The following TEX14 variants were observed in gnomAD, a reference collection of about 807,000 sequenced individuals.
TEX14 encodes inactive serine/threonine-protein kinase TEX14.
Under a neutral mutation model 178.6 loss-of-function variants are expected in TEX14, and 168 were observed. That is an observed-to-expected ratio of 0.94 (90% confidence interval 0.83 to 1.07). The LOEUF (loss-of-function observed/expected upper bound fraction) is 1.07, where lower values mean the gene tolerates loss of function less well. Among genes scored for constraint, TEX14 ranks in the 50% least tolerant of loss-of-function variants. The probability of loss-of-function intolerance (pLI) is 0.00; values close to 1 mark genes in which losing one functional copy is unlikely to be tolerated. For synonymous variants in TEX14, 626 were observed against 634.1 expected (o/e 0.99, Z 0.19); for missense variants, 1,730 against 1,753.6 (o/e 0.99, Z 0.24).
At chr17:58,563,631 A>G (rs1364382959) in intron 28 of TEX14, among the ~76,000 whole-genome samples, 9 of 16,124 alleles carry the variant, frequency 5.6e-4, no homozygotes, top group African/African-American at 2.9e-3. Flanking sequence ...TTATATATAT[A>G]TATATATATA....
intron 11 of TEX14, 55 bp from the exon 12 acceptor site, chr17:58,602,645 G>A (rs1326136641): frequency 1.9e-5 from 28 of 1,441,580 alleles, no homozygotes; most frequent in Non-Finnish European, 2.6e-5. Context: ...GAGTGGAGTG[G>A]GGGGAAAAGA....
intron 19 of TEX14, among the ~76,000 whole-genome samples, chr17:58,581,317 T>C (rs1207063894): frequency 7.5e-6 from 1 of 132,774 alleles, no homozygotes; most frequent in South Asian, 2.4e-4. Flanking sequence ...TCTCAAAAAT[T>C]AAAAAAAAAA....
chr17:58,656,088 G>A (rs1412159074), intron 1 of TEX14, among the ~76,000 whole-genome samples: 4 of 152,170 alleles, frequency 2.6e-5, no homozygotes, highest in Non-Finnish European at 5.9e-5. Context: ...ATCATCTGAG[G>A]TCACGAGTTT....
intron 21 of TEX14, among the ~76,000 whole-genome samples, chr17:58,575,986 G>C (rs2044665461): frequency 6.6e-6 from 1 of 152,156 alleles, no homozygotes; most frequent in Non-Finnish European, 1.5e-5. Context: ...GGGTTGTTAT[G>C]TGGATTAAAT....
At chr17:58,690,397 A>G (rs925752489) in intron 1 of TEX14, among the ~76,000 whole-genome samples, 1 of 152,018 alleles carries the variant, frequency 6.6e-6, no homozygotes, top group Non-Finnish European at 1.5e-5. Flanking sequence ...AACTCCTGAG[A>G]TCAAGCGATG....
Position 58,557,239 on chromosome 17 carries a change from C to T in TEX14, c.4320-192G>A, listed in dbSNP as rs201002857. ...AAAATGACTACAGAGCAATTGACAGCAGCATCTTCTGTATTCTCTCCATAT... is the reference window on the plus strand; with the variant it reads ...AAAATGACTACAGAGCAATTGACAGTAGCATCTTCTGTATTCTCTCCATAT... On this transcript the variant is annotated intron_variant, in intron 31 of 31. Coordinates refer to ENST00000349033, the MANE Select transcript of TEX14 (RefSeq NM_031272.5). Among the ~76,000 whole-genome samples the T allele has an allele frequency of 3.2e-3, 483 of 151,968 alleles. 5 individuals carry two copies. Among genetic ancestry groups the T allele is most frequent in the African/African-American group, 0.011 (462 of 41,434 alleles).
chr17:58,617,104 C>T (rs377586851), intron 6 of TEX14, among the ~76,000 whole-genome samples: 1 of 151,934 alleles, frequency 6.6e-6, no homozygotes, highest in Admixed American at 6.6e-5. Flanking sequence ...TACAAGTAAC[C>T]AGGCATGGTG....
intron 3 of TEX14, among the ~76,000 whole-genome samples, chr17:58,629,279 C>CCTGTCT (rs1199864415): frequency 6.6e-6 from 1 of 151,376 alleles, no homozygotes. Context: ...ATGGCAACAC[C>CCTGTCT]CTGTCTCTAC....
At chr17:58,640,113 C>A (rs899619897) in intron 2 of TEX14, among the ~76,000 whole-genome samples, 1 of 152,010 alleles carries the variant, frequency 6.6e-6, no homozygotes, top group African/African-American at 2.4e-5. Flanking sequence ...GAGTTTGAGA[C>A]CAGCCTGGCC....
At chr17:58,557,983 G>T in intron 30 of TEX14, 133 bp from the exon 31 acceptor site, 1 of 611,994 alleles carries the variant, frequency 1.6e-6, no homozygotes, top group Non-Finnish European at 2.8e-6. Context: ...TATTCTGCCA[G>T]ATAGACTCTT....
Position 58,587,679 on chromosome 17 carries a change from G to A in TEX14, c.2703-13C>T. On this transcript the variant is annotated splice_polypyrimidine_tract_variant and intron_variant, in intron 16 of 31. Coordinates refer to ENST00000349033, the MANE Select transcript of TEX14 (RefSeq NM_031272.5). ...TTCCACACTCATCCTGAATTGCACG[G>A]GTTTTTTGGAGGTAGGGGGAGCGGG... is the stretch of plus-strand genomic sequence containing the variant. 6.3e-7 allele frequency: 1 copy of A among 1,588,246 alleles called. No homozygotes were observed. The highest frequency in any genetic ancestry group is 8.6e-7 in the Non-Finnish European group (1 of 1,164,744).
intron 1 of TEX14, among the ~76,000 whole-genome samples, chr17:58,689,068 C>A (rs1281112461): frequency 1.3e-5 from 2 of 151,874 alleles, no homozygotes; most frequent in East Asian, 3.9e-4. Context: ...GTAGCTGGGA[C>A]TACAGGTGCC....
At chr17:58,632,988 G>A (rs922310574) in intron 2 of TEX14, among the ~76,000 whole-genome samples, 1 of 152,134 alleles carries the variant, frequency 6.6e-6, no homozygotes, top group Non-Finnish European at 1.5e-5. Flanking sequence ...TTTGGGTTTG[G>A]AAAGGTAAGT....
chr17:58,605,393 C>A (rs902533159), intron 10 of TEX14, among the ~76,000 whole-genome samples: 3 of 152,162 alleles, frequency 2.0e-5, no homozygotes, highest in African/African-American at 7.2e-5. Context: ...GAGGTTTTGC[C>A]ATGTTGGCCA....
At chr17:58,676,988 G>A (rs2047405965) in intron 1 of TEX14, among the ~76,000 whole-genome samples, 2 of 151,254 alleles carry the variant, frequency 1.3e-5, no homozygotes, top group East Asian at 2.0e-4. Context: ...GTGTTGTGGC[G>A]GGTGCCTGTA....
chr17:58,605,218 G>A lies in TEX14; in HGVS notation c.1185-89C>T, dbSNP rs531618931. On this transcript the variant is annotated intron_variant, in intron 10 of 31. Transcript: ENST00000349033. The stretch of plus-strand genomic sequence containing the variant: ...TCATTCATTCTTTCATTCATTCAGA[G>A]TCTTGCCCTGTCACCCAGGCTGGAA... 3.6e-5 allele frequency: 52 copies of A among 1,431,576 alleles called. No individual in the cohort carries two copies. In the South Asian group the frequency reaches 6.5e-4, roughly 18 times the overall value. 88.7% of individuals were successfully genotyped at this position (1,431,576 alleles called of 1,614,324 possible).
At chr17:58,571,235 CTTTTT>C (rs11456555) in intron 24 of TEX14, among the ~76,000 whole-genome samples, 1 of 127,258 alleles carries the variant, frequency 7.9e-6, no homozygotes, top group Non-Finnish European at 1.6e-5. Context: ...CTTTTCTTTT[CTTTTT>C]TTTTTTTTTT....
At chr17:58,578,023 G>A (rs1167669846) in intron 20 of TEX14, among the ~76,000 whole-genome samples, 2 of 152,268 alleles carry the variant, frequency 1.3e-5, no homozygotes, top group South Asian at 2.1e-4. Context: ...GGCAGGCAGG[G>A]CCAGTATCCA....
Position 58,559,473 on chromosome 17 carries a change from AC to A in TEX14, c.4246del (p.Val1416PhefsTer2), listed in dbSNP as rs769848413. The A allele has an allele frequency of 6.7e-7, 1 of 1,500,720 alleles. No individual in the cohort carries two copies. The highest frequency in any genetic ancestry group is 1.1e-5 in the South Asian group (1 of 87,868). 93.0% of individuals were successfully genotyped at this position (1,500,720 alleles called of 1,614,324 possible). On this transcript the variant is annotated frameshift_variant, in exon 30 of 32. Transcript: ENST00000349033. LOFTEE classifies it high-confidence loss of function. The part of the protein sequence containing the change: ...ITPERRKSEG[V>X]LGTSEEDELK... ...CATACCTTCTTCAGAAGTCCCTAGA[AC>A]ACCCTCTGATTTCCTTCTTTCTGGT...
Sources: allele counts gnomAD v4.1 joint callset (sites outside exome capture counted in the v4.1 genomes callset), GRCh38; gene constraint gnomAD v4.1.1; transcripts MANE v1.5; gene names NCBI Gene and HGNC (gene_info 2026-07-23, HGNC 2026-07-21).